The following SMURF1 variants were observed in gnomAD, a reference collection of about 807,000 sequenced individuals.
SMURF1 encodes the protein E3 ubiquitin-protein ligase SMURF1.
Under a neutral mutation model 98.0 loss-of-function variants are expected in SMURF1, and 44 were observed. The ratio of observed to expected loss-of-function variants is 0.45; its 90% CI spans 0.35 to 0.58. The LOEUF is 0.58. Ranked by LOEUF, SMURF1 falls within the 20% of genes least tolerant of loss-of-function variation. The pLI is 0.00. For missense variants in SMURF1, 687 were observed against 938.4 expected, an observed-to-expected ratio of 0.73 and a Z score of 3.50; for synonymous variants, 396 against 374.9, an observed-to-expected ratio of 1.06 and a Z score of -0.65.
intron 3 of SMURF1, 119 bp downstream of exon 3, chr7:99,060,480 C>A (rs1003172073): frequency 1.7e-6 from 1 of 582,736 alleles, no homozygotes; most frequent in Non-Finnish European, 2.9e-6. Context: ...TTTGGCCATC[C>A]GCTTTTGTTA....
intron 1 of SMURF1, among the ~76,000 whole-genome samples, chr7:99,101,098 G>C (rs1192076710): frequency 1.3e-5 from 2 of 152,206 alleles, no homozygotes; most frequent in Non-Finnish European, 2.9e-5. Flanking sequence ...CTTGGTTCTT[G>C]ATAAGGAACA....
chr7:99,036,852 T>C (rs1311791072), intron 15 of SMURF1, among the ~76,000 whole-genome samples: 1 of 152,028 alleles, frequency 6.6e-6, no homozygotes, highest in Non-Finnish European at 1.5e-5. Flanking sequence ...TTAGTCAGAT[T>C]TCCTACCGCC....
intron 1 of SMURF1, among the ~76,000 whole-genome samples, chr7:99,137,373 C>T (rs1465075452): frequency 6.6e-6 from 1 of 152,228 alleles, no homozygotes. Flanking sequence ...TATGCACCCC[C>T]TCCCCTTTCT....
Position 99,047,749 on chromosome 7 carries a change from G to A in SMURF1, c.1087C>T (p.Leu363=). The change falls in exon 10 of 18, where the codon CTG becomes TTG. Residue 363 remains leucine, a synonymous_variant. Transcript: ENST00000361368. The part of the protein sequence containing the change: ...VQKLKVLRHE[L]SLQQPQAGHC... ...CCAGCTTGGGGCTGCTGAAGCGACAGTTCGTGTCTGAGGACTTTCAGCTTC... is the reference window on the plus strand; with the variant it reads ...CCAGCTTGGGGCTGCTGAAGCGACAATTCGTGTCTGAGGACTTTCAGCTTC... The A allele has an allele frequency of 2.5e-6, 4 of 1,614,242 alleles. No individual in the cohort carries two copies. The highest frequency in any genetic ancestry group is 3.4e-6 in the Non-Finnish European group (4 of 1,180,044).
chr7:99,035,468 G>GA, intron 16 of SMURF1, 47 bp downstream of exon 16: 5 of 1,603,302 alleles, frequency 3.1e-6, no homozygotes, highest in Non-Finnish European at 4.3e-6. Context: ...CCTGCCCACA[G>GA]CGCACATAGA....
chr7:99,092,674 G>A (rs756958829), intron 1 of SMURF1, among the ~76,000 whole-genome samples: 5 of 152,184 alleles, frequency 3.3e-5, no homozygotes, highest in Non-Finnish European at 7.3e-5. Flanking sequence ...GTGCTATCCA[G>A]TGTGCCTTGC....
intron 1 of SMURF1, among the ~76,000 whole-genome samples, chr7:99,115,076 G>A (rs1797407359): frequency 6.6e-6 from 1 of 151,606 alleles, no homozygotes; most frequent in African/African-American, 2.4e-5. Context: ...CCATCTCAAG[G>A]AATTAGAAAA....
In SMURF1 at chr7:99,045,523, G is replaced by T. The variant is rs143622368; in HGVS notation, c.1256+175C>A. The T allele has an allele frequency of 4.6e-5, 26 of 561,786 alleles. No individual in the cohort carries two copies. In the East Asian group the frequency reaches 7.8e-4, roughly 17 times the overall value. The allele number at this position is 561,786 out of a possible 1,614,324, so 34.8% of individuals were successfully genotyped here. Reference sequence around the variant, plus strand: ...GAGGCTGGCACGAGCATGCTCGGAGGAATTCCTATTCTCCGCAGGGTGGCT... The same window carrying T: ...GAGGCTGGCACGAGCATGCTCGGAGTAATTCCTATTCTCCGCAGGGTGGCT... On this transcript the variant is annotated intron_variant, in intron 11 of 17. Transcript: ENST00000361368.
chr7:99,073,207 C>T (rs1796370538), intron 1 of SMURF1, among the ~76,000 whole-genome samples: 1 of 151,390 alleles, frequency 6.6e-6, no homozygotes, highest in Admixed American at 6.6e-5. Flanking sequence ...AAAACCCCGT[C>T]TCTACTAAAA....
chr7:99,093,423 A>G (rs1012823468), intron 1 of SMURF1, among the ~76,000 whole-genome samples: 2 of 152,194 alleles, frequency 1.3e-5, no homozygotes, highest in African/African-American at 4.8e-5. Flanking sequence ...AATGGAAAGG[A>G]TTAACGCCAC....
chr7:99,112,686 A>G (rs930314898), intron 1 of SMURF1, among the ~76,000 whole-genome samples: 8 of 152,338 alleles, frequency 5.3e-5, no homozygotes, highest in Non-Finnish European at 8.8e-5. Context: ...TACTAGACAA[A>G]GACTATTTAA....
chr7:99,063,361 T>C (rs1346351657), intron 1 of SMURF1, among the ~76,000 whole-genome samples: 1 of 143,072 alleles, frequency 7.0e-6, no homozygotes, highest in Non-Finnish European at 1.5e-5. Context: ...GGCACAATCA[T>C]AGCTCACTGT....
intron 1 of SMURF1, among the ~76,000 whole-genome samples, chr7:99,072,318 C>T (rs1584145976): frequency 2.6e-5 from 4 of 152,100 alleles, no homozygotes; most frequent in Admixed American, 1.3e-4. Context: ...TCAACATTTC[C>T]AACCGAGGCA....
intron 1 of SMURF1, among the ~76,000 whole-genome samples, chr7:99,095,243 C>G (rs1331162375): frequency 6.6e-6 from 1 of 152,032 alleles, no homozygotes; most frequent in African/African-American, 2.4e-5. Flanking sequence ...CCATGTCCGG[C>G]TAATTTTTGT....
chr7:99,045,801 C>G lies in SMURF1; in HGVS notation c.1153G>C (p.Glu385Gln), dbSNP rs1278217071. ...ATCTTCATTATCTGGCGGTAAGACT[C>G]CTGAAGAGCAACATCACAGTTTCAG... The part of the protein sequence containing the change: ...IEVSREEIFE[E>Q]SYRQIMKMRP... The change falls in exon 11 of 18, where the codon GAG becomes CAG. Residue 385 changes from glutamate to glutamine, a missense_variant and splice_region_variant. Glu to Gln is a conservative substitution (Grantham distance 29). Around this residue, in one of 2 missense-constraint regions of SMURF1, gnomAD observed 415 missense variants for 508.4 expected, o/e 0.82. Coordinates refer to ENST00000361368, the MANE Select transcript of SMURF1 (RefSeq NM_181349.3). 2 of 1,607,290 alleles carry G rather than the reference C, an allele frequency of 1.2e-6. No individual in the cohort carries two copies. The highest frequency in any genetic ancestry group is 2.2e-5 in the South Asian group (2 of 90,940).
intron 15 of SMURF1, 81 bp downstream of exon 15, chr7:99,036,986 G>A (rs1217645574): frequency 1.9e-6 from 3 of 1,599,664 alleles, no homozygotes; most frequent in East Asian, 2.2e-5. Context: ...GGCACACACT[G>A]CCCCCTGCAG....
At chr7:99,072,811 T>TA (rs1796358190) in intron 1 of SMURF1, among the ~76,000 whole-genome samples, 1 of 152,240 alleles carries the variant, frequency 6.6e-6, no homozygotes, top group Admixed American at 6.5e-5. Context: ...GCTACTTCCA[T>TA]AACACTGAAG....
At chr7:99,051,132 G>C (rs1248513288) in intron 8 of SMURF1, 5 of 854,154 alleles carry the variant, frequency 5.9e-6, no homozygotes, top group Non-Finnish European at 9.2e-6. Context: ...CTTCAACAAT[G>C]ATCATGGTCA....
At chr7:99,050,887 T>G in intron 8 of SMURF1, 4 of 1,190,390 alleles carry the variant, frequency 3.4e-6, no homozygotes, top group Non-Finnish European at 4.4e-6. Flanking sequence ...TTAACTCTGT[T>G]ATGGGGTGGG....
Sources: gnomAD v4.1 joint callset for allele counts (sites outside exome capture counted in the v4.1 genomes callset) on GRCh38, gnomAD v4.1.1 for gene constraint, gnomAD v4.1.1 regional missense constraint, MANE v1.5 for transcripts, NCBI Gene and HGNC (gene_info 2026-07-23, HGNC 2026-07-21) for gene names.